Variants in PRIMPOL observed in about 807,000 individuals in gnomAD.
PRIMPOL encodes the protein DNA-directed primase/polymerase protein.
A neutral mutation model predicts 63.6 loss-of-function variants in PRIMPOL; 54 were observed. The observed-to-expected ratio is 0.85, with a 90% CI of 0.68 to 1.07. The LOEUF (loss-of-function observed/expected upper bound fraction) is 1.07, where lower values mean the gene tolerates loss of function less well. Ranked by LOEUF, PRIMPOL falls within the 50% of genes least tolerant of loss-of-function variation. The probability of loss-of-function intolerance (pLI) is 0.00; values close to 1 mark genes in which losing one functional copy is unlikely to be tolerated. For synonymous variants in PRIMPOL, 197 were observed against 220.2 expected (o/e 0.89, Z 0.93); for missense variants, 610 against 648.3 (o/e 0.94, Z 0.64).
At chr4:184,688,400 A>ATC (rs1244150456) in intron 11 of PRIMPOL, among the ~76,000 whole-genome samples, 2 of 152,254 alleles carry the variant, frequency 1.3e-5, no homozygotes, top group Non-Finnish European at 2.9e-5. Flanking sequence ...TTTCTTGGGA[A>ATC]TTTCCCTGAT....
rs773761380 is a variant in PRIMPOL, at chr4:184,682,264, C to CG, written c.1025dup (p.Ile343AsnfsTer5). On this transcript the variant is annotated frameshift_variant, in exon 9 of 14. Transcript: ENST00000314970. LOFTEE classifies it high-confidence loss of function. ...CTTCTTCAGGTTCTCAGATACTTTA[C>CG]GAATTCTTACATGTGAGCCATCTCA... 6.3e-7 allele frequency: 1 copy of CG among 1,591,834 alleles called. No homozygotes were observed. The highest frequency in any genetic ancestry group is 8.6e-7 in the Non-Finnish European group (1 of 1,161,094).
At chr4:184,685,378 T>C (rs1756730976) in intron 9 of PRIMPOL, 31 bp from the exon 10 acceptor site, 1 of 1,465,410 alleles carries the variant, frequency 6.8e-7, no homozygotes, top group Non-Finnish European at 9.6e-7. Flanking sequence ...TTTCAGCTAT[T>C]GTAATTTATA....
At chr4:184,671,953 G>A (rs925452940) in intron 6 of PRIMPOL, among the ~76,000 whole-genome samples, 1 of 151,788 alleles carries the variant, frequency 6.6e-6, no homozygotes, top group Non-Finnish European at 1.5e-5. Flanking sequence ...TGTTAACCAG[G>A]ATGGTCTCGA....
chr4:184,652,669 G>A (rs544902797), intron 2 of PRIMPOL, among the ~76,000 whole-genome samples: 8 of 152,186 alleles, frequency 5.3e-5, no homozygotes, highest in East Asian at 1.9e-4. Context: ...GAAATAGTAC[G>A]AATGCATTCC....
At chr4:184,669,494 C>T (rs1750974354) in intron 6 of PRIMPOL, among the ~76,000 whole-genome samples, 1 of 152,230 alleles carries the variant, frequency 6.6e-6, no homozygotes, top group Non-Finnish European at 1.5e-5. Flanking sequence ...TGTTTCTTTG[C>T]TTGCCGTGTA....
At chr4:184,655,710 A>G (rs1423820075) in intron 2 of PRIMPOL, among the ~76,000 whole-genome samples, 1 of 152,206 alleles carries the variant, frequency 6.6e-6, no homozygotes, top group African/African-American at 2.4e-5. Flanking sequence ...GTTTTCTGCT[A>G]AAATTCAAGA....
At position 184,675,632 on chromosome 4, in the gene PRIMPOL, C is replaced by T. The variant is rs186934000; in HGVS notation, c.845-2600C>T. Among the ~76,000 whole-genome samples, 231 of 152,154 alleles carry T rather than the reference C, an allele frequency of 1.5e-3. 1 individual carries two copies. In the Middle Eastern group the frequency reaches 0.031, roughly 20 times the overall value. ...AGGAGTTCAAGACCAGCCTGACCAA[C>T]GTGATGAAACCCCATCTCTACTAAA... On this transcript the variant is annotated intron_variant, in intron 7 of 13. Coordinates refer to ENST00000314970, the MANE Select transcript of PRIMPOL (RefSeq NM_152683.4).
In PRIMPOL at chr4:184,664,286, G is replaced by A. The variant is rs145032746; in HGVS notation, c.409-1631G>A. Reference sequence around the variant, plus strand: ...GTTTTTAGTCCCTACTAAGTGTCAGGCACTGTGCCCAGGCACTAGGATTAC... The same window carrying A: ...GTTTTTAGTCCCTACTAAGTGTCAGACACTGTGCCCAGGCACTAGGATTAC... On this transcript the variant is annotated intron_variant, in intron 5 of 13. Transcript: ENST00000314970. 8.1e-4 allele frequency among the ~76,000 whole-genome samples: 123 copies of A among 152,306 alleles called. 1 individual carries two copies. Among genetic ancestry groups the A allele is most frequent in the African/African-American group, 2.7e-3 (114 of 41,568 alleles).
intron 13 of PRIMPOL, among the ~76,000 whole-genome samples, chr4:184,693,329 G>A (rs186646971): frequency 1.3e-3 from 193 of 152,252 alleles, no homozygotes; most frequent in Admixed American, 4.6e-3. Context: ...AGTCTGGATT[G>A]TGATTTAGAT....
chr4:184,694,324 CTG>C, intron 13 of PRIMPOL, 196 bp from the exon 14 acceptor site: 1 of 1,347,306 alleles, frequency 7.4e-7, no homozygotes. Context: ...TCAAGTGTGT[CTG>C]AGCTTCAGTG....
At chr4:184,652,463 G>A (rs1744839279) in intron 2 of PRIMPOL, among the ~76,000 whole-genome samples, 1 of 151,938 alleles carries the variant, frequency 6.6e-6, no homozygotes, top group South Asian at 2.1e-4. Context: ...AAGAGGATTT[G>A]GGGAAATTTA....
At chr4:184,666,729 G>A (rs1749997299) in intron 6 of PRIMPOL, among the ~76,000 whole-genome samples, 1 of 152,120 alleles carries the variant, frequency 6.6e-6, no homozygotes, top group Non-Finnish European at 1.5e-5. Context: ...CCTTTGCTTC[G>A]GCCTTGCTTT....
At chr4:184,677,475 A>T (rs1754399348) in intron 7 of PRIMPOL, among the ~76,000 whole-genome samples, 1 of 152,118 alleles carries the variant, frequency 6.6e-6, no homozygotes. Context: ...GTTCTGCTTC[A>T]TTGTTCTATT....
rs182529361 is a variant in PRIMPOL, at chr4:184,655,007, T to C, written c.-59-2075T>C. On this transcript the variant is annotated intron_variant, in intron 2 of 13. Coordinates refer to ENST00000314970, the MANE Select transcript of PRIMPOL (RefSeq NM_152683.4). ...AACAAGGTCATGATGTACTATCCCT[T>C]TTTTTTTTCTTTTCTTTTGAGATGG... Among the ~76,000 whole-genome samples, 394 of 150,746 alleles carry C rather than the reference T, an allele frequency of 2.6e-3. 2 individuals carry two copies. Among genetic ancestry groups the C allele is most frequent in the African/African-American group, 9.3e-3 (379 of 40,774 alleles).
intron 11 of PRIMPOL, among the ~76,000 whole-genome samples, chr4:184,687,553 C>T (rs1232727500): frequency 1.3e-5 from 2 of 152,162 alleles, no homozygotes; most frequent in African/African-American, 4.8e-5. Flanking sequence ...TCATCTTTTC[C>T]TCGCTTTTAT....
chr4:184,672,645 G>T (rs578080715), intron 7 of PRIMPOL, among the ~76,000 whole-genome samples, 185 bp downstream of exon 7: 98 of 152,224 alleles, frequency 6.4e-4, no homozygotes, highest in African/African-American at 2.1e-3. Flanking sequence ...ATCTTAGAGG[G>T]GTCCAGGCCG....
rs1362692842 is a variant in PRIMPOL at position 184,682,340 on chromosome 4, A to C, written c.1096+4A>C. ...TTTAACAGTATCGGCACTTCAGGTA[A>C]ATTTTTTGATGTTTGTTTTTCTTTT... is the stretch of plus-strand genomic sequence containing the variant. On this transcript the variant is annotated splice_donor_region_variant and intron_variant, in intron 9 of 13. Coordinates refer to ENST00000314970, the MANE Select transcript of PRIMPOL (RefSeq NM_152683.4). 1 of 1,518,102 alleles carries C rather than the reference A, an allele frequency of 6.6e-7. No individual in the cohort carries two copies. The allele number at this position is 1,518,102 out of a possible 1,614,324, so 94.0% of individuals were successfully genotyped here. A position where few individuals can be genotyped will look rare whatever the true frequency, so the allele number is the denominator to read the frequency against.
At chr4:184,665,355 C>G (rs960480728) in intron 5 of PRIMPOL, among the ~76,000 whole-genome samples, 1 of 152,160 alleles carries the variant, frequency 6.6e-6, no homozygotes, top group African/African-American at 2.4e-5. Context: ...GACTCCAGCC[C>G]CCGTGCTTGC....
At chr4:184,694,501 C>G (rs1230999252) in intron 13 of PRIMPOL, 21 bp from the exon 14 acceptor site, 1 of 1,605,674 alleles carries the variant, frequency 6.2e-7, no homozygotes, top group Non-Finnish European at 8.5e-7. Context: ...CACTCTCTAT[C>G]CCTTCACCAC....
Sources: gnomAD v4.1 joint callset for allele counts (sites outside exome capture counted in the v4.1 genomes callset) on GRCh38, gnomAD v4.1.1 for gene constraint, MANE v1.5 for transcripts, NCBI Gene and HGNC (gene_info 2026-07-23, HGNC 2026-07-21) for gene names.